Variants in RNF216 observed in about 807,000 individuals in gnomAD.
RNF216 encodes E3 ubiquitin-protein ligase RNF216.
RNF216 carries 72 observed loss-of-function variants against 110.8 expected under a neutral mutation model. That is an observed-to-expected ratio of 0.65 (90% CI 0.54 to 0.79). RNF216 has a LOEUF of 0.79. Among genes scored for constraint, RNF216 ranks in the 30% least tolerant of loss-of-function variants. The pLI is 0.00. For synonymous variants in RNF216, 495 were observed against 407.5 expected (o/e 1.21, Z -2.59); for missense variants, 1,342 against 1,141.2 (o/e 1.18, Z -2.54).
chr7:5,739,147 CATA>C, intron 5 of RNF216, 126 bp downstream of exon 5: 1 of 1,115,726 alleles, frequency 9.0e-7, no homozygotes, highest in East Asian at 3.0e-5. Context: ...GTGATAGTTG[CATA>C]ATAATGTGAA....
intron 13 of RNF216, among the ~76,000 whole-genome samples, chr7:5,697,618 G>C (rs1791709501): frequency 1.3e-5 from 2 of 152,204 alleles, no homozygotes; most frequent in South Asian, 4.1e-4. Flanking sequence ...GTGCAGCTGG[G>C]ACTACAAGTG....
intron 2 of RNF216, among the ~76,000 whole-genome samples, chr7:5,756,780 A>C (rs1054166326): frequency 6.6e-6 from 1 of 152,174 alleles, no homozygotes; most frequent in African/African-American, 2.4e-5. Flanking sequence ...ACCCAAGACC[A>C]CCATACCCAG....
chr7:5,715,978 T>A (rs897391301), intron 10 of RNF216, among the ~76,000 whole-genome samples: 1 of 152,176 alleles, frequency 6.6e-6, no homozygotes, highest in East Asian at 1.9e-4. Context: ...CCTGACCTCG[T>A]GATGTGCCTG....
chr7:5,641,034 T>C (rs1562780576), intron 15 of RNF216, 120 bp downstream of exon 15: 3 of 769,586 alleles, frequency 3.9e-6, no homozygotes. Context: ...TATCAGTCTA[T>C]GTAATTTCCT....
intron 13 of RNF216, among the ~76,000 whole-genome samples, chr7:5,664,304 C>T (rs534807087): frequency 1.6e-4 from 24 of 152,240 alleles, no homozygotes; most frequent in South Asian, 4.2e-4. Context: ...CAGGTTAATT[C>T]ATTACAGCTT....
chr7:5,692,407 G>C (rs1326858456), intron 13 of RNF216, among the ~76,000 whole-genome samples: 1 of 152,208 alleles, frequency 6.6e-6, no homozygotes, highest in Non-Finnish European at 1.5e-5. Context: ...ACCCATCCTT[G>C]TTAGTCAGAC....
intron 15 of RNF216, among the ~76,000 whole-genome samples, chr7:5,626,726 C>T (rs1401588344): frequency 1.3e-5 from 2 of 151,964 alleles, no homozygotes; most frequent in Non-Finnish European, 2.9e-5. Flanking sequence ...GCAGGAGGGC[C>T]GTGGGCCTAC....
chr7:5,684,653 T>A (rs1323608784), intron 13 of RNF216, among the ~76,000 whole-genome samples: 1 of 152,200 alleles, frequency 6.6e-6, no homozygotes, highest in East Asian at 1.9e-4. Context: ...CTGTGGTGGC[T>A]GTCCCTTGCT....
At chr7:5,698,400 C>CAT (rs1248136905) in intron 13 of RNF216, among the ~76,000 whole-genome samples, 3 of 151,716 alleles carry the variant, frequency 2.0e-5, no homozygotes, top group Non-Finnish European at 4.4e-5. Context: ...CACACACACA[C>CAT]ACACACACAC....
In RNF216 at chr7:5,716,737, C is replaced by T. The variant is rs184726431; in HGVS notation, c.1674G>A (p.Met558Ile). 2.5e-6 allele frequency: 4 copies of T among 1,603,142 alleles called. No individual in the cohort carries two copies. Among genetic ancestry groups the T allele is most frequent in the East Asian group, 2.2e-5 (1 of 44,464 alleles). The change falls in exon 10 of 17, where the codon ATG (methionine) becomes ATA (isoleucine). Residue 558 changes from methionine to isoleucine, a missense_variant. Coordinates refer to ENST00000389902, the MANE Select transcript of RNF216 (RefSeq NM_207111.4). ...CTACCTTTTGATACTGTTCTTCATT[C>T]ATCTGTAGGGCAAGCAAAAAGTCTT... ...EHEDFLLALQ[M>I]NEEQYQKDGQ...
At chr7:5,767,724 G>C (rs117445130) in intron 1 of RNF216, among the ~76,000 whole-genome samples, 1 of 151,526 alleles carries the variant, frequency 6.6e-6, no homozygotes. Flanking sequence ...TCAGCCTCCT[G>C]AGTAGTGGGG....
At position 5,683,522 on chromosome 7, in the gene RNF216, G is replaced by A. The variant is rs533821449; in HGVS notation, c.2061+28239C>T. On this transcript the variant is annotated intron_variant, in intron 13 of 16. Transcript: ENST00000389902. ...GAGAGACCAAGGCCACAGGCACATAGCATCATGACTTAACCACCTCATCAG... is the reference window on the plus strand; with the variant it reads ...GAGAGACCAAGGCCACAGGCACATAACATCATGACTTAACCACCTCATCAG... Among the ~76,000 whole-genome samples, 11 of 152,270 alleles carry A rather than the reference G, an allele frequency of 7.2e-5. 1 individual carries two copies. The South Asian group carries it at 2.1e-3, about 29-fold the overall frequency.
At chr7:5,671,038 T>C (rs928535591) in intron 13 of RNF216, among the ~76,000 whole-genome samples, 9 of 152,254 alleles carry the variant, frequency 5.9e-5, no homozygotes, top group Non-Finnish European at 1.0e-4. Context: ...TCATTTGTTA[T>C]AGCAACAAAC....
chr7:5,674,942 A>T (rs906855159), intron 13 of RNF216, among the ~76,000 whole-genome samples: 4 of 151,978 alleles, frequency 2.6e-5, no homozygotes, highest in African/African-American at 9.7e-5. Context: ...GGTTGCAGTG[A>T]GCTGAGATCG....
chr7:5,736,467 C>G (rs1794405690), intron 5 of RNF216, among the ~76,000 whole-genome samples: 1 of 152,198 alleles, frequency 6.6e-6, no homozygotes, highest in Admixed American at 6.5e-5. Flanking sequence ...TCTCGGCTCG[C>G]TACAACCTCC....
intron 13 of RNF216, among the ~76,000 whole-genome samples, chr7:5,690,589 C>T (rs1414319573): frequency 6.6e-6 from 1 of 152,194 alleles, no homozygotes; most frequent in East Asian, 1.9e-4. Context: ...ATCAGCAGTG[C>T]TTTCCCTGTA....
Position 5,623,307 on chromosome 7 carries a change from G to A in RNF216, c.2453-128C>T, listed in dbSNP as rs1243363652. ...CATGCTGATCAAAGCACAAAACGTG[G>A]ACACCTCCCAAATGCCACTGCAAGA... is the stretch of plus-strand genomic sequence containing the variant. On this transcript the variant is annotated intron_variant, in intron 16 of 16. Transcript: ENST00000389902. The A allele has an allele frequency of 5.5e-6, 4 of 722,010 alleles. No homozygotes were observed. The East Asian group carries it at 1.1e-4, about 20-fold the overall frequency. The allele number at this position is 722,010 out of a possible 1,614,324, so 44.7% of individuals were successfully genotyped here.
chr7:5,632,960 C>T (rs1255751559), intron 15 of RNF216, among the ~76,000 whole-genome samples: 1 of 152,034 alleles, frequency 6.6e-6, no homozygotes, highest in Admixed American at 6.6e-5. Context: ...GAGTCTCACC[C>T]ACCCAGCGGA....
rs1786567412 is a variant in RNF216, at chr7:5,624,195, G to A, written c.2383-70C>T. ...GTGCTGAGGCCCCGTGGGACAGTGA[G>A]GAGGCCGCTTGTTGCTTATGGCCAT... On this transcript the variant is annotated intron_variant, in intron 15 of 16. Coordinates refer to ENST00000389902, the MANE Select transcript of RNF216 (RefSeq NM_207111.4). This position sits in a 1 kb window ranked among gnomAD's most constrained non-coding sequence, Gnocchi z 4.4. 3.7e-6 allele frequency: 5 copies of A among 1,344,212 alleles called. No homozygotes were observed. Among genetic ancestry groups the A allele is most frequent in the South Asian group, 3.6e-5 (3 of 82,476 alleles). 83.3% of individuals were successfully genotyped at this position (1,344,212 alleles called of 1,614,324 possible).
Sources: allele counts gnomAD v4.1 joint callset (sites outside exome capture counted in the v4.1 genomes callset), GRCh38; gene constraint gnomAD v4.1.1; non-coding constraint Gnocchi (gnomAD v3.1); transcripts MANE v1.5; gene names NCBI Gene and HGNC (gene_info 2026-07-23, HGNC 2026-07-21).